CDK6: variants seen among roughly 807,000 people sequenced by gnomAD.
CDK6 encodes cyclin dependent kinase 6.
Under a neutral mutation model 37.1 loss-of-function variants are expected in CDK6, and 6 were observed. The observed-to-expected ratio is 0.16, with a 90% CI of 0.09 to 0.32. CDK6 has a LOEUF of 0.32. Ranked by LOEUF, CDK6 falls within the 10% of genes least tolerant of loss-of-function variation. CDK6 has a pLI of 1.00. For synonymous variants in CDK6, 160 were observed against 161.3 expected (o/e 0.99, Z 0.06); for missense variants, 224 against 418.9 (o/e 0.53, Z 4.06).
intron 4 of CDK6, among the ~76,000 whole-genome samples, chr7:92,676,275 A>G (rs1435946300): frequency 6.6e-6 from 1 of 152,218 alleles, no homozygotes; most frequent in East Asian, 1.9e-4. Context: ...GTGTTTTAAG[A>G]TGTCCATATG....
chr7:92,788,757 T>G (rs1163235957), intron 2 of CDK6, among the ~76,000 whole-genome samples: 1 of 152,126 alleles, frequency 6.6e-6, no homozygotes. Flanking sequence ...GGATCTGCAA[T>G]AAGATGAACA....
intron 3 of CDK6, among the ~76,000 whole-genome samples, chr7:92,758,057 G>C (rs1799359147): frequency 6.6e-6 from 1 of 152,062 alleles, no homozygotes; most frequent in Non-Finnish European, 1.5e-5. Context: ...ACCTTTGTCA[G>C]ATGCACAGTT....
chr7:92,784,919 G>T (rs1232927559), intron 2 of CDK6, among the ~76,000 whole-genome samples: 1 of 152,194 alleles, frequency 6.6e-6, no homozygotes, highest in East Asian at 1.9e-4. Flanking sequence ...GGCATTCTGA[G>T]TAAGCCAGAT....
chr7:92,707,700 A>G (rs1203500253), intron 4 of CDK6, among the ~76,000 whole-genome samples: 1 of 152,230 alleles, frequency 6.6e-6, no homozygotes, highest in Non-Finnish European at 1.5e-5. Flanking sequence ...GTGCATGCGC[A>G]CACACACACT....
At chr7:92,709,767 A>T (rs1798045397) in intron 4 of CDK6, among the ~76,000 whole-genome samples, 1 of 152,088 alleles carries the variant, frequency 6.6e-6, no homozygotes, top group Non-Finnish European at 1.5e-5. Context: ...AGCTTCCTGA[A>T]TTTGCCTGAG....
intron 4 of CDK6, among the ~76,000 whole-genome samples, chr7:92,709,301 T>C (rs1234368938): frequency 3.9e-5 from 6 of 152,144 alleles, no homozygotes; most frequent in Non-Finnish European, 8.8e-5. Context: ...CTTGCTGCTT[T>C]GCCGTTGTGT....
chr7:92,814,648 A>C (rs1800978797), intron 2 of CDK6, among the ~76,000 whole-genome samples: 1 of 151,696 alleles, frequency 6.6e-6, no homozygotes. Flanking sequence ...TGGACCTATC[A>C]CAAATATTTG....
intron 4 of CDK6, among the ~76,000 whole-genome samples, chr7:92,723,910 C>CAAAAAAAAAAAAAAAAAAAAA (rs576591781): frequency 1.2e-5 from 1 of 83,748 alleles, no homozygotes. Context: ...ATTTAATAAG[C>CAAAAAAAAAAAAAAAAAAAAA]AAAAAAAAAA....
intron 5 of CDK6, among the ~76,000 whole-genome samples, chr7:92,628,268 T>G (rs1195236986): frequency 2.0e-5 from 3 of 150,158 alleles, no homozygotes; most frequent in Non-Finnish European, 4.5e-5. Context: ...GTTTTATGAG[T>G]GTTAGTTTTA....
chr7:92,771,502 T>C (rs1273044697), intron 3 of CDK6, among the ~76,000 whole-genome samples: 5 of 152,352 alleles, frequency 3.3e-5, no homozygotes, highest in African/African-American at 7.2e-5. Context: ...CAATATAGAC[T>C]GTGCTTACTT....
chr7:92,708,946 A>G (rs751580280), intron 4 of CDK6, among the ~76,000 whole-genome samples: 3 of 152,240 alleles, frequency 2.0e-5, no homozygotes, highest in Admixed American at 6.5e-5. Context: ...ACAACAGTAC[A>G]GTATGAAGGC....
At chr7:92,722,639 A>G (rs1798394816) in intron 4 of CDK6, among the ~76,000 whole-genome samples, 1 of 152,228 alleles carries the variant, frequency 6.6e-6, no homozygotes, top group Non-Finnish European at 1.5e-5. Context: ...CCAGGTAGCT[A>G]TGAGGAATAT....
rs187258853 is a variant in CDK6, at chr7:92,764,092, T to C, written c.369+10604A>G. ...TTGGGTTTAGTCCATTTTCCAGGCA[T>C]CCTAATTAATCTAACCATTACATGG... On this transcript the variant is annotated intron_variant, in intron 3 of 7. Coordinates refer to ENST00000424848, the MANE Select transcript of CDK6 (RefSeq NM_001145306.2). Among the ~76,000 whole-genome samples, 22 of 151,910 alleles carry C rather than the reference T, an allele frequency of 1.4e-4. 1 individual carries two copies. The East Asian group carries it at 4.1e-3, about 28-fold the overall frequency.
intron 2 of CDK6, among the ~76,000 whole-genome samples, chr7:92,780,393 T>C (rs1799956193): frequency 6.6e-6 from 1 of 152,158 alleles, no homozygotes; most frequent in African/African-American, 2.4e-5. Context: ...CAATAAGGAA[T>C]GGGGCTAGGC....
intron 2 of CDK6, among the ~76,000 whole-genome samples, chr7:92,802,815 TG>T (rs1229230395): frequency 1.3e-5 from 2 of 152,220 alleles, no homozygotes; most frequent in African/African-American, 4.8e-5. Context: ...AACACTGTTA[TG>T]GGGATACTGT....
chr7:92,609,006 C>T lies in CDK6; in HGVS notation c.*6134G>A, dbSNP rs1203842079. On this transcript the variant is annotated 3_prime_UTR_variant, in exon 8 of 8. Transcript: ENST00000424848. ...TGGAATTCGGCCTTTCGCATAGGGGCTTTAACTGGACTCTAGTTCCTGGGA... is the reference window on the plus strand; with the variant it reads ...TGGAATTCGGCCTTTCGCATAGGGGTTTTAACTGGACTCTAGTTCCTGGGA... The T allele has an allele frequency of 4.3e-6, 1 of 233,312 alleles. No individual in the cohort carries two copies. The highest frequency in any genetic ancestry group is 6.0e-5 in the East Asian group (1 of 16,576). 14.5% of individuals were successfully genotyped at this position (233,312 alleles called of 1,614,324 possible).
At chr7:92,749,141 G>A (rs1799128552) in intron 3 of CDK6, among the ~76,000 whole-genome samples, 1 of 151,284 alleles carries the variant, frequency 6.6e-6, no homozygotes, top group Non-Finnish European at 1.5e-5. Flanking sequence ...GGAGGTTGTG[G>A]TGAGCTGAGA....
chr7:92,798,016 C>T (rs761280298), intron 2 of CDK6, among the ~76,000 whole-genome samples: 1 of 152,158 alleles, frequency 6.6e-6, no homozygotes, highest in Non-Finnish European at 1.5e-5. Context: ...CTACTTTTCT[C>T]AAGTGTGCTA....
rs1797069808 is a variant in CDK6, at chr7:92,671,442, C to A, written c.631G>T (p.Glu211Ter). Residue 211 changes from glutamate (E) to a stop codon, truncating the protein, a stop_gained, in exon 5 of 8, where the codon GAA becomes TAA. Coordinates refer to ENST00000424848, the MANE Select transcript of CDK6 (RefSeq NM_001145306.2). LOFTEE classifies it high-confidence loss of function. Reference protein sequence around the residue: ...DLWSVGCIFAEMFRRKPLFRG... With the variant: ...DLWSVGCIFA ...ATTTCTTACTTTCTACGAAACATTT[C>A]TGCAAATATGCAGCCAACACTCCAG... 1 of 1,563,208 alleles carries A rather than the reference C, an allele frequency of 6.4e-7. No individual in the cohort carries two copies. Among genetic ancestry groups the A allele is most frequent in the Admixed American group, 1.9e-5 (1 of 52,046 alleles).
Sources: gnomAD v4.1 joint callset for allele counts (sites outside exome capture counted in the v4.1 genomes callset) on GRCh38, gnomAD v4.1.1 for gene constraint, MANE v1.5 for transcripts, NCBI Gene and HGNC (gene_info 2026-07-23, HGNC 2026-07-21) for gene names.